The following SLC39A6 variants were observed in gnomAD, a reference collection of about 807,000 sequenced individuals.
SLC39A6 encodes solute carrier family 39 member 6, also known as zinc transporter ZIP6.
A neutral mutation model predicts 63.5 loss-of-function variants in SLC39A6; 51 were observed. That is an observed-to-expected ratio of 0.80 (90% CI 0.64 to 1.01). The LOEUF (loss-of-function observed/expected upper bound fraction) is 1.01. Ranked by LOEUF, SLC39A6 falls within the 50% of genes least tolerant of loss-of-function variation. The probability of loss-of-function intolerance (pLI) is 0.00; values close to 1 mark genes in which losing one functional copy is unlikely to be tolerated. For missense variants in SLC39A6, 805 were observed against 927.8 expected, an observed-to-expected ratio of 0.87 and a Z score of 1.72; for synonymous variants, 318 against 324.7, an observed-to-expected ratio of 0.98 and a Z score of 0.22.
At chr18:36,114,579 T>C (rs1789512) in intron 6 of SLC39A6, 105 bp from the exon 7 acceptor site, 252,227 of 768,336 alleles carry the variant, frequency 0.33, 42,601 homozygotes, top group Middle Eastern at 0.41. Context: ...TCTTAAAGCA[T>C]GATAACTCCT....
At chr18:36,112,839 A>G (rs2089311704) in intron 7 of SLC39A6, among the ~76,000 whole-genome samples, 1 of 152,208 alleles carries the variant, frequency 6.6e-6, no homozygotes, top group South Asian at 2.1e-4. Flanking sequence ...AAGTTATACA[A>G]ATCTGAGGAG....
chr18:36,121,169 T>A (rs77317274), intron 5 of SLC39A6, among the ~76,000 whole-genome samples: 12 of 149,338 alleles, frequency 8.0e-5, no homozygotes, highest in Non-Finnish European at 1.5e-4. Flanking sequence ...TTTTTTTTTT[T>A]ATTTTTTGAG....
chr18:36,125,350 G>GAAA (rs72307025), intron 2 of SLC39A6, among the ~76,000 whole-genome samples: 127 of 134,040 alleles, frequency 9.5e-4, no homozygotes, highest in South Asian at 3.4e-3. Context: ...AGCCAAAAAA[G>GAAA]AAAAAAAAAA....
chr18:36,115,492 A>AACAACAACAACC (rs954162387), intron 6 of SLC39A6, among the ~76,000 whole-genome samples: 4 of 145,160 alleles, frequency 2.8e-5, no homozygotes, highest in African/African-American at 1.0e-4. Context: ...CAACAACAAC[A>AACAACAACAACC]ACCATATATC....
chr18:36,120,480 C>T (rs570604225), intron 5 of SLC39A6, among the ~76,000 whole-genome samples: 1 of 152,286 alleles, frequency 6.6e-6, no homozygotes, highest in African/African-American at 2.4e-5. Flanking sequence ...AGAGCAAATA[C>T]TCCTAGTATG....
Position 36,109,434 on chromosome 18 carries a change from G to A in SLC39A6, c.*159C>T, listed in dbSNP as rs373523247. 20 of 504,286 alleles carry A rather than the reference G, an allele frequency of 4.0e-5. No homozygotes were observed. The South Asian group carries it at 4.8e-4, about 12-fold the overall frequency. 31.2% of individuals were successfully genotyped at this position (504,286 alleles called of 1,614,324 possible). A position where few individuals can be genotyped will look rare whatever the true frequency, so the allele number is the denominator to read the frequency against. On this transcript the variant is annotated 3_prime_UTR_variant, in exon 10 of 10. Transcript: ENST00000269187. ...GATAGAATAACTTAAATATTAAAAC[G>A]TACCTTTAACTGACTTTGTAACAGA...
rs2089278763 is a variant in SLC39A6, at chr18:36,108,689, A to G, written c.*904T>C. On this transcript the variant is annotated 3_prime_UTR_variant, in exon 10 of 10. Coordinates refer to ENST00000269187, the MANE Select transcript of SLC39A6 (RefSeq NM_012319.4). ...TCAAAGTACTTTCTGAATCGAATCA[A>G]ATGATACTTAGTGTAGTTTTAATAT... 6.6e-6 allele frequency: 1 copy of G among 152,198 alleles called. No homozygotes were observed. Among genetic ancestry groups the G allele is most frequent in the Non-Finnish European group, 1.5e-5 (1 of 68,030 alleles). 9.4% of individuals were successfully genotyped at this position (152,198 alleles called of 1,614,324 possible). A position where few individuals can be genotyped will look rare whatever the true frequency, so the allele number is the denominator to read the frequency against.
intron 5 of SLC39A6, among the ~76,000 whole-genome samples, chr18:36,121,069 G>C (rs2089389452): frequency 6.6e-6 from 1 of 151,680 alleles, no homozygotes; most frequent in South Asian, 2.1e-4. Flanking sequence ...AGAAAATCCT[G>C]GTCAATATCA....
Position 36,126,280 on chromosome 18 carries a change from G to C in SLC39A6, c.728C>G (p.Ser243Cys), listed in dbSNP as rs1423855056. The change falls in exon 2 of 10, where the codon TCT becomes TGT. Residue 243 changes from serine to cysteine, a missense_variant. Around this residue, in one of 4 missense-constraint regions of SLC39A6, gnomAD observed 639 missense variants for 644.0 expected, o/e 0.99. Transcript: ENST00000269187. ...AAAGCCTTTTCGGGGCTCACTCACA[G>C]ATTCATTTGTTTTCCTACCAGCCAG... ...SRLAGRKTNE[S>C]VSEPRKGFMY... The C allele has an allele frequency of 1.2e-6, 2 of 1,614,132 alleles. No homozygotes were observed. The highest frequency in any genetic ancestry group is 1.3e-5 in the African/African-American group (1 of 74,948).
chr18:36,128,336 T>C (rs1055311838), intron 1 of SLC39A6, among the ~76,000 whole-genome samples: 1 of 152,190 alleles, frequency 6.6e-6, no homozygotes, highest in Non-Finnish European at 1.5e-5. Context: ...AGCTGTTCTT[T>C]GGACAGGGCT....
At chr18:36,111,365 G>C in intron 8 of SLC39A6, 116 bp from the exon 9 acceptor site, 1 of 924,956 alleles carries the variant, frequency 1.1e-6, no homozygotes, top group Non-Finnish European at 1.6e-6. Context: ...AGGGGGAAAA[G>C]AAAACAAAAT....
chr18:36,124,293 T>C (rs1356394168), intron 3 of SLC39A6, among the ~76,000 whole-genome samples: 1 of 141,298 alleles, frequency 7.1e-6, no homozygotes, highest in Non-Finnish European at 1.6e-5. Context: ...CACCTTCTTG[T>C]AGGATGAACC....
chr18:36,125,537 T>C (rs552158860), intron 2 of SLC39A6, among the ~76,000 whole-genome samples: 2 of 152,204 alleles, frequency 1.3e-5, no homozygotes, highest in Non-Finnish European at 2.9e-5. Flanking sequence ...AGTCACATGC[T>C]GGTTTGAATG....
chr18:36,126,131 A>T, intron 2 of SLC39A6, 88 bp downstream of exon 2: 1 of 1,272,792 alleles, frequency 7.9e-7, no homozygotes, highest in Non-Finnish European at 1.1e-6. Context: ...TTTTACTTTT[A>T]CTTTAAACTC....
At chr18:36,125,009 C>T (rs908377377) in intron 2 of SLC39A6, among the ~76,000 whole-genome samples, 2 of 152,114 alleles carry the variant, frequency 1.3e-5, no homozygotes, top group Admixed American at 6.5e-5. Context: ...ACTGTATAAA[C>T]GTATTAAGGA....
chr18:36,120,540 T>C (rs1486367022), intron 5 of SLC39A6, among the ~76,000 whole-genome samples: 1 of 152,240 alleles, frequency 6.6e-6, no homozygotes, highest in Non-Finnish European at 1.5e-5. Flanking sequence ...GTGAGCTCTA[T>C]GCTCAGCAAA....
intron 5 of SLC39A6, among the ~76,000 whole-genome samples, chr18:36,121,156 CTTTT>C (rs11313446): frequency 6.9e-6 from 1 of 145,250 alleles, no homozygotes; most frequent in Non-Finnish European, 1.5e-5. Context: ...CTTTTCTTTT[CTTTT>C]TTTTTTTTTA....
intron 7 of SLC39A6, among the ~76,000 whole-genome samples, chr18:36,113,235 CA>C (rs1264206520): frequency 6.6e-6 from 1 of 151,616 alleles, no homozygotes; most frequent in Non-Finnish European, 1.5e-5. Context: ...GCTGGGACTA[CA>C]GGTGTGTACC....
At chr18:36,120,458 G>A (rs943262954) in intron 5 of SLC39A6, among the ~76,000 whole-genome samples, 3 of 152,220 alleles carry the variant, frequency 2.0e-5, no homozygotes, top group Admixed American at 6.5e-5. Flanking sequence ...TTCAGTGAAC[G>A]TAAAATCCCT....
Sources: gnomAD v4.1 joint callset for allele counts (sites outside exome capture counted in the v4.1 genomes callset) on GRCh38, gnomAD v4.1.1 for gene constraint, gnomAD v4.1.1 regional missense constraint, MANE v1.5 for transcripts, NCBI Gene and HGNC (gene_info 2026-07-23, HGNC 2026-07-21) for gene names.